Variants in GTF3C1 observed in about 807,000 individuals in gnomAD.
GTF3C1 encodes the protein general transcription factor IIIC subunit 1.
Under a neutral mutation model 226.7 loss-of-function variants are expected in GTF3C1, and 57 were observed. The observed-to-expected ratio is 0.25, with a 90% CI of 0.20 to 0.31. The LOEUF is 0.31. GTF3C1 is among the 10% of genes least tolerant of loss of function. The pLI, the probability that GTF3C1 is intolerant of heterozygous loss-of-function variation, is 1.00. For missense variants in GTF3C1, 2,217 were observed against 2,776.1 expected (o/e 0.80, Z 4.53); for synonymous variants, 1,090 against 1,084.8 (o/e 1.00, Z -0.09).
At chr16:27,500,617 T>C (rs2088390950) in intron 12 of GTF3C1, among the ~76,000 whole-genome samples, 1 of 152,184 alleles carries the variant, frequency 6.6e-6, no homozygotes, top group African/African-American at 2.4e-5. Context: ...GGCTGTACCA[T>C]CACAAATTAC....
In GTF3C1 at chr16:27,483,077, GA is replaced by G. The variant is rs1230986910; in HGVS notation, c.4049del (p.Phe1350SerfsTer2). ...VYQDKALVGD[F>X]MNRRGDYDDP... ...CATCATAGTCACCTCTTCGATTCAT[GA>G]AATCTCCAACAAGTGCTTTATCCTG... On this transcript the variant is annotated frameshift_variant, in exon 26 of 37. Transcript: ENST00000356183. LOFTEE classifies it high-confidence loss of function. The G allele has an allele frequency of 1.2e-6, 2 of 1,614,202 alleles. No individual in the cohort carries two copies. The highest frequency in any genetic ancestry group is 3.3e-5 in the Admixed American group (2 of 60,022).
intron 29 of GTF3C1, 100 bp from the exon 30 acceptor site, chr16:27,472,020 G>T: frequency 1.9e-6 from 2 of 1,026,028 alleles, no homozygotes; most frequent in Admixed American, 2.0e-5. Context: ...CTTTATAGAG[G>T]AAGTGACCGA....
intron 19 of GTF3C1, among the ~76,000 whole-genome samples, chr16:27,490,261 G>A (rs1314916536): frequency 1.3e-5 from 2 of 152,242 alleles, no homozygotes; most frequent in Admixed American, 6.5e-5. Context: ...CAAGAGGTTT[G>A]CTAATGGAGT....
intron 4 of GTF3C1, among the ~76,000 whole-genome samples, chr16:27,535,574 T>TAAA (rs200346693): frequency 2.8e-5 from 2 of 70,550 alleles, no homozygotes; most frequent in Non-Finnish European, 3.1e-5. Context: ...GACTGTCAAA[T>TAAA]AAAAAAAAAA....
intron 19 of GTF3C1, among the ~76,000 whole-genome samples, chr16:27,491,115 G>T (rs180678304): frequency 5.6e-4 from 86 of 152,312 alleles, no homozygotes; most frequent in Non-Finnish European, 1.0e-3. Context: ...TCTAAAATAC[G>T]TCTGGACCCA....
intron 5 of GTF3C1, among the ~76,000 whole-genome samples, chr16:27,529,855 A>G (rs1479489728): frequency 6.6e-6 from 1 of 152,204 alleles, no homozygotes; most frequent in East Asian, 1.9e-4. Context: ...ATGAAACTGA[A>G]CGTCAGTTGC....
At position 27,465,448 on chromosome 16, in the gene GTF3C1, C is replaced by T. The variant is rs769269826; in HGVS notation, c.5167G>A (p.Glu1723Lys). The change falls in exon 33 of 37, where the codon GAG becomes AAG. Residue 1723 changes from glutamate (E) to lysine (K), a missense_variant. Transcript: ENST00000356183. ...INPQENTCSL[E>K]EFVLQLELSG... is the part of the protein sequence containing the mutation. ...AGCTCCAGCTGGAGGACAAACTCCT[C>T]CAAGCTGCAGGTGTTTTCCTGGGGG... is the stretch of plus-strand genomic sequence containing the variant. The T allele has an allele frequency of 1.2e-6, 2 of 1,612,862 alleles. No individual in the cohort carries two copies. The highest frequency in any genetic ancestry group is 1.3e-5 in the African/African-American group (1 of 75,048).
intron 28 of GTF3C1, among the ~76,000 whole-genome samples, 185 bp downstream of exon 28, chr16:27,478,284 G>A (rs1170004336): frequency 1.3e-5 from 2 of 152,182 alleles, no homozygotes; most frequent in African/African-American, 2.4e-5. Context: ...ACTTACCTCT[G>A]AGGTTCTTGC....
intron 6 of GTF3C1, among the ~76,000 whole-genome samples, chr16:27,514,062 C>A (rs969026694): frequency 6.6e-6 from 1 of 152,218 alleles, no homozygotes; most frequent in Non-Finnish European, 1.5e-5. Context: ...TGGAACTCAA[C>A]AGACCTCTGG....
chr16:27,530,582 C>T (rs2141442018), intron 5 of GTF3C1, among the ~76,000 whole-genome samples: 1 of 152,318 alleles, frequency 6.6e-6, no homozygotes, highest in Non-Finnish European at 1.5e-5. Context: ...CTGCTCAGCT[C>T]TCTGTGACCC....
At chr16:27,467,330 T>C (rs1174294482) in intron 32 of GTF3C1, among the ~76,000 whole-genome samples, 3 of 152,232 alleles carry the variant, frequency 2.0e-5, no homozygotes, top group Non-Finnish European at 4.4e-5. Context: ...ACAGCAAAGC[T>C]GGATGACAGC....
At chr16:27,511,727 C>A (rs1183299535) in intron 7 of GTF3C1, 22 bp downstream of exon 7, 1 of 1,610,704 alleles carries the variant, frequency 6.2e-7, no homozygotes, top group South Asian at 1.1e-5. Flanking sequence ...CATATCCAAG[C>A]TGGCATGGGA....
intron 14 of GTF3C1, among the ~76,000 whole-genome samples, chr16:27,495,919 C>T (rs894451733): frequency 4.6e-5 from 7 of 152,132 alleles, no homozygotes; most frequent in African/African-American, 7.2e-5. Flanking sequence ...GCAGCACCTG[C>T]GGCAGGAGGG....
Position 27,464,771 on chromosome 16 carries a change from G to A in GTF3C1, c.5421C>T (p.Gly1807=), listed in dbSNP as rs749728897. ...AGTGCAGGAGCCAAGGCCAGGCAGAGCCCATGGCTACCAGGCGCGCAGTGT... is the reference window on the plus strand; with the variant it reads ...AGTGCAGGAGCCAAGGCCAGGCAGAACCCATGGCTACCAGGCGCGCAGTGT... ...GGNTARLVAM[G]SAWPWLLHSV... is the part of the protein sequence containing the mutation. Residue 1807 remains glycine (G), a synonymous_variant, in exon 34 of 37, where the codon GGC becomes GGT. Coordinates refer to ENST00000356183, the MANE Select transcript of GTF3C1 (RefSeq NM_001520.4). 1 of 1,563,272 alleles carries A rather than the reference G, an allele frequency of 6.4e-7. No homozygotes were observed. The highest frequency in any genetic ancestry group is 2.2e-5 in the East Asian group (1 of 44,488).
chr16:27,494,913 G>A lies in GTF3C1; in HGVS notation c.2633-5C>T, dbSNP rs1191236320. 2 of 1,611,160 alleles carry A rather than the reference G, an allele frequency of 1.2e-6. No homozygotes were observed. Among genetic ancestry groups the A allele is most frequent in the East Asian group, 4.5e-5 (2 of 44,854 alleles). ...ACGAGGCATCGTCGACATACACTAG[G>A]AAAAAAACGCACGGTTACCCCCGGC... On this transcript the variant is annotated splice_polypyrimidine_tract_variant and splice_region_variant and intron_variant, in intron 15 of 36. Coordinates refer to ENST00000356183, the MANE Select transcript of GTF3C1 (RefSeq NM_001520.4).
intron 6 of GTF3C1, 106 bp from the exon 7 acceptor site, chr16:27,512,007 C>A: frequency 7.8e-7 from 1 of 1,275,050 alleles, no homozygotes. Flanking sequence ...AGACAGAGAT[C>A]CCCACAAAGG....
intron 16 of GTF3C1, 36 bp from the exon 17 acceptor site, chr16:27,493,332 G>A: frequency 9.8e-7 from 1 of 1,024,172 alleles, no homozygotes; most frequent in South Asian, 1.3e-5. Flanking sequence ...CTCGCCCTGA[G>A]GGCCAGGGCG....
Position 27,469,698 on chromosome 16 carries a change from G to A in GTF3C1, c.4815-148C>T. On this transcript the variant is annotated intron_variant, in intron 31 of 36. Coordinates refer to ENST00000356183, the MANE Select transcript of GTF3C1 (RefSeq NM_001520.4). This position sits in a 1 kb window ranked among gnomAD's most constrained non-coding sequence, Gnocchi z 4.5. ...CTTCATTACCAAGGCTGGTGTGGAT[G>A]GCTGCCCCAGATCCATCCCCTTTCC... is the stretch of plus-strand genomic sequence containing the variant. 1.2e-6 allele frequency: 1 copy of A among 845,174 alleles called. No individual in the cohort carries two copies. The highest frequency in any genetic ancestry group is 1.9e-6 in the Non-Finnish European group (1 of 535,534). The allele number at this position is 845,174 out of a possible 1,614,324, so 52.4% of individuals were successfully genotyped here. A position where few individuals can be genotyped will look rare whatever the true frequency, so the allele number is the denominator to read the frequency against.
rs1205564525 is a variant in GTF3C1, at chr16:27,463,642, A to G, written c.5873-50T>C. On this transcript the variant is annotated intron_variant, in intron 34 of 36. Coordinates refer to ENST00000356183, the MANE Select transcript of GTF3C1 (RefSeq NM_001520.4). This position sits in a 1 kb window ranked among gnomAD's most constrained non-coding sequence, Gnocchi z 4.9. ...AGAGACTCGGAAAGTCAGGGAAGCC[A>G]TCTCTGCCCTCCAACCTTCAGCATG... 3.8e-6 allele frequency: 4 copies of G among 1,051,128 alleles called. No individual in the cohort carries two copies. The highest frequency in any genetic ancestry group is 3.0e-6 in the Non-Finnish European group (2 of 665,344). 65.1% of individuals were successfully genotyped at this position (1,051,128 alleles called of 1,614,324 possible).
Sources: gnomAD v4.1 joint callset for allele counts (sites outside exome capture counted in the v4.1 genomes callset) on GRCh38, gnomAD v4.1.1 for gene constraint, Gnocchi (gnomAD v3.1) non-coding constraint, MANE v1.5 for transcripts, NCBI Gene and HGNC (gene_info 2026-07-23, HGNC 2026-07-21) for gene names.